UPK1B: variants seen among roughly 807,000 people sequenced by gnomAD.
The protein encoded by UPK1B is uroplakin-1b.
In UPK1B, 28 loss-of-function variants were observed where a neutral mutation model predicts 34.2. That is an observed-to-expected ratio of 0.82 (90% CI 0.61 to 1.12). The LOEUF is 1.12. Ranked by LOEUF, UPK1B falls within the 50% of genes most tolerant of loss-of-function variation. The pLI, the probability that UPK1B is intolerant of heterozygous loss-of-function variation, is 0.00. For synonymous variants in UPK1B, 81 were observed against 110.4 expected (o/e 0.73, Z 1.67); for missense variants, 325 against 320.9 (o/e 1.01, Z -0.10).
chr3:119,180,410 A>G (rs2077984159), intron 1 of UPK1B, among the ~76,000 whole-genome samples: 1 of 152,220 alleles, frequency 6.6e-6, no homozygotes, highest in Non-Finnish European at 1.5e-5. Flanking sequence ...TCCCAGCAAT[A>G]TCTAGACTGA....
Position 119,191,014 on chromosome 3 carries a change from A to G in UPK1B, c.378A>G (p.Leu126=), listed in dbSNP as rs2078041703. ...CCAACCTCTTCCTGAAGCAGATGCTAGAGAGGTACCAAAACAACAGCCCTC... is the reference window on the plus strand; with the variant it reads ...CCAACCTCTTCCTGAAGCAGATGCTGGAGAGGTACCAAAACAACAGCCCTC... The part of the protein sequence containing the change: ...FTPNLFLKQM[L]ERYQNNSPPN... The change falls in exon 5 of 8, where the codon CTA becomes CTG. Residue 126 remains leucine (L), a synonymous_variant. Coordinates refer to ENST00000264234, the MANE Select transcript of UPK1B (RefSeq NM_006952.4). The G allele has an allele frequency of 3.1e-6, 5 of 1,614,034 alleles. No individual in the cohort carries two copies. The South Asian group carries it at 5.5e-5, about 18-fold the overall frequency.
chr3:119,190,414 T>C (rs2078038840), intron 4 of UPK1B, 95 bp downstream of exon 4: 1 of 835,542 alleles, frequency 1.2e-6, no homozygotes, highest in Non-Finnish European at 2.0e-6. Context: ...GGCAATCCAA[T>C]ATGCACAGTA....
At chr3:119,179,398 T>TAGA (rs71156734) in intron 1 of UPK1B, among the ~76,000 whole-genome samples, 2 of 58,898 alleles carry the variant, frequency 3.4e-5, no homozygotes, top group Non-Finnish European at 3.3e-5. Flanking sequence ...TATATATATA[T>TAGA]TAATTCTAAG....
At chr3:119,182,421 T>C (rs1374266068) in intron 1 of UPK1B, among the ~76,000 whole-genome samples, 1 of 152,242 alleles carries the variant, frequency 6.6e-6, no homozygotes, top group Non-Finnish European at 1.5e-5. Flanking sequence ...CCTCTGGTTA[T>C]AATTAATAGT....
Position 119,204,198 on chromosome 3 carries a change from A to G in UPK1B, c.*231A>G. The stretch of plus-strand genomic sequence containing the variant: ...AACATTTATATAGACTGTTGAAAGG[A>G]GAATTTGAAAAATGCATAATAACTA... On this transcript the variant is annotated 3_prime_UTR_variant, in exon 8 of 8. Transcript: ENST00000264234. 2.1e-6 allele frequency: 1 copy of G among 485,426 alleles called. No individual in the cohort carries two copies. The highest frequency in any genetic ancestry group is 3.6e-6 in the Non-Finnish European group (1 of 275,094). 30.1% of individuals were successfully genotyped at this position (485,426 alleles called of 1,614,324 possible). A position where few individuals can be genotyped will look rare whatever the true frequency, so the allele number is the denominator to read the frequency against.
chr3:119,182,381 A>C (rs1272856985), intron 1 of UPK1B, among the ~76,000 whole-genome samples: 1 of 152,188 alleles, frequency 6.6e-6, no homozygotes, highest in African/African-American at 2.4e-5. Context: ...AAACAAAATC[A>C]TAACCCAATA....
intron 1 of UPK1B, among the ~76,000 whole-genome samples, chr3:119,175,510 C>T (rs909823665): frequency 6.6e-6 from 1 of 151,628 alleles, no homozygotes; most frequent in South Asian, 2.1e-4. Flanking sequence ...CATCATCACA[C>T]ACCGCCCTAC....
intron 6 of UPK1B, among the ~76,000 whole-genome samples, chr3:119,196,751 G>T (rs552731790): frequency 1.3e-5 from 2 of 152,088 alleles, no homozygotes. Flanking sequence ...TGTTGGCCAG[G>T]ATGGTCTCGA....
intron 6 of UPK1B, among the ~76,000 whole-genome samples, chr3:119,195,257 T>G (rs562540987): frequency 6.6e-6 from 1 of 152,352 alleles, no homozygotes; most frequent in South Asian, 2.1e-4. Flanking sequence ...CTCCAGGTAC[T>G]TGTAGTCAGC....
intron 7 of UPK1B, 61 bp from the exon 8 acceptor site, chr3:119,203,856 A>G (rs545390054): frequency 3.9e-6 from 6 of 1,555,762 alleles, no homozygotes; most frequent in Non-Finnish European, 5.3e-6. Flanking sequence ...CACTTTTTCC[A>G]AGAATGAGAT....
intron 1 of UPK1B, 106 bp from the exon 2 acceptor site, chr3:119,186,608 A>G (rs981830775): frequency 5.2e-6 from 4 of 766,576 alleles, no homozygotes; most frequent in Non-Finnish European, 6.5e-6. Flanking sequence ...CTAAAAGATT[A>G]TATGGCTTTG....
At chr3:119,195,937 C>T (rs747668492) in intron 6 of UPK1B, among the ~76,000 whole-genome samples, 1 of 152,124 alleles carries the variant, frequency 6.6e-6, no homozygotes, top group Non-Finnish European at 1.5e-5. Flanking sequence ...TTTGACAATG[C>T]TTCTAACACG....
intron 6 of UPK1B, among the ~76,000 whole-genome samples, chr3:119,198,601 T>A (rs1456573668): frequency 6.6e-6 from 1 of 152,234 alleles, no homozygotes; most frequent in African/African-American, 2.4e-5. Flanking sequence ...GTTCCTTTAA[T>A]GATTATTAAA....
At chr3:119,203,116 G>A (rs935377114) in intron 7 of UPK1B, among the ~76,000 whole-genome samples, 1 of 152,068 alleles carries the variant, frequency 6.6e-6, no homozygotes, top group Non-Finnish European at 1.5e-5. Context: ...GCCGAGACGG[G>A]CAAATCACGA....
chr3:119,184,326 T>TA (rs1188868433), intron 1 of UPK1B, among the ~76,000 whole-genome samples: 1 of 152,152 alleles, frequency 6.6e-6, no homozygotes, highest in Admixed American at 6.5e-5. Flanking sequence ...TCTGGACCAA[T>TA]AAAGCCCCTC....
chr3:119,188,174 T>C (rs2078028067), intron 3 of UPK1B, among the ~76,000 whole-genome samples, 199 bp downstream of exon 3: 1 of 152,082 alleles, frequency 6.6e-6, no homozygotes, highest in African/African-American at 2.4e-5. Context: ...CCCAGAAGGC[T>C]CCAGTACAGA....
At chr3:119,190,463 A>G (rs1247872283) in intron 4 of UPK1B, 144 bp downstream of exon 4, 1 of 550,160 alleles carries the variant, frequency 1.8e-6, no homozygotes, top group Non-Finnish European at 3.1e-6. Context: ...TCATAAATCT[A>G]TGAAATAGGC....
At position 119,204,233 on chromosome 3, in the gene UPK1B, C is replaced by A; in HGVS notation, c.*266C>A. On this transcript the variant is annotated 3_prime_UTR_variant, in exon 8 of 8. Coordinates refer to ENST00000264234, the MANE Select transcript of UPK1B (RefSeq NM_006952.4). ...AAATGCATAATAACTACTTCCATCC[C>A]TGCTTATTTTTAATTTGGGAAAATA... The A allele has an allele frequency of 2.4e-6, 1 of 423,704 alleles. No individual in the cohort carries two copies. Among genetic ancestry groups the A allele is most frequent in the South Asian group, 5.5e-5 (1 of 18,282 alleles). The allele number at this position is 423,704 out of a possible 1,614,324, so 26.2% of individuals were successfully genotyped here.
At chr3:119,179,169 A>C (rs2077973595) in intron 1 of UPK1B, among the ~76,000 whole-genome samples, 1 of 151,496 alleles carries the variant, frequency 6.6e-6, no homozygotes, top group Non-Finnish European at 1.5e-5. Context: ...CTCTACAAAA[A>C]ATTTAAAAAT....
Sources: gnomAD v4.1 joint callset for allele counts (sites outside exome capture counted in the v4.1 genomes callset) on GRCh38, gnomAD v4.1.1 for gene constraint, MANE v1.5 for transcripts, NCBI Gene and HGNC (gene_info 2026-07-23, HGNC 2026-07-21) for gene names.